The following GLI3 variants were observed in gnomAD, a reference collection of about 807,000 sequenced individuals.
The protein encoded by GLI3 is GLI family zinc finger 3, also known as transcription activator GLI3.
A neutral mutation model predicts 100.8 loss-of-function variants in GLI3; 20 were observed. The observed-to-expected ratio is 0.20, with a 90% confidence interval of 0.14 to 0.29. GLI3 has a LOEUF of 0.29. Ranked by LOEUF, GLI3 falls within the 10% of genes least tolerant of loss-of-function variation. The probability of loss-of-function intolerance (pLI) is 1.00; values close to 1 mark genes in which losing one functional copy is unlikely to be tolerated. For synonymous variants in GLI3, 938 were observed against 860.5 expected (o/e 1.09, Z -1.58); for missense variants, 2,040 against 2,128.5 (o/e 0.96, Z 0.82).
At chr7:42,033,879 G>A (rs563147968) in intron 7 of GLI3, among the ~76,000 whole-genome samples, 1 of 152,282 alleles carries the variant, frequency 6.6e-6, no homozygotes, top group East Asian at 1.9e-4. Flanking sequence ...TGGAAACCCA[G>A]CCCAGCCTCA....
chr7:42,263,408 A>AT (rs1319087965), intron 1 of GLI3, among the ~76,000 whole-genome samples: 1 of 151,614 alleles, frequency 6.6e-6, no homozygotes, highest in Non-Finnish European at 1.5e-5. Context: ...GCACCTTTTG[A>AT]TTTTTCAAGA....
chr7:41,966,087 C>A lies in GLI3; in HGVS notation c.2986G>T (p.Asp996Tyr), dbSNP rs748566565. ...CTCCTCACGCCGTGGCCCGGCGCAT[C>A]GTGCGGCTGCAGGTGGCGCCGCCCG... Reference protein sequence around the residue: ...GYGRRHLQPHDAPGHGVRRAS... With the variant: ...GYGRRHLQPHYAPGHGVRRAS... The change falls in exon 15 of 15, where the codon GAT (aspartate) becomes TAT (tyrosine). Residue 996 changes from aspartate (D) to tyrosine (Y), a missense_variant. Transcript: ENST00000395925. This position sits in a 1 kb window ranked among gnomAD's most constrained non-coding sequence, Gnocchi z 5.8. The A allele has an allele frequency of 2.5e-6, 4 of 1,568,888 alleles. No individual in the cohort carries two copies. The highest frequency in any genetic ancestry group is 3.4e-6 in the Non-Finnish European group (4 of 1,163,592).
intron 3 of GLI3, among the ~76,000 whole-genome samples, chr7:42,102,020 AT>A (rs1785475218): frequency 6.6e-6 from 1 of 151,690 alleles, no homozygotes; most frequent in South Asian, 2.1e-4. Flanking sequence ...TGAACTCATC[AT>A]TTTTTATGGC....
intron 3 of GLI3, among the ~76,000 whole-genome samples, chr7:42,142,508 G>T (rs1477196587): frequency 2.6e-5 from 4 of 152,092 alleles, no homozygotes; most frequent in African/African-American, 9.7e-5. Context: ...GAATAAAATT[G>T]TTAACAAATT....
intron 4 of GLI3, among the ~76,000 whole-genome samples, chr7:42,067,998 G>A (rs1182196071): frequency 1.3e-5 from 2 of 152,194 alleles, no homozygotes; most frequent in Admixed American, 6.5e-5. Flanking sequence ...AATATTAGGT[G>A]ATGGGATTTT....
rs528428728 is a variant in GLI3, at chr7:42,219,224, A to G, written c.124+3906T>C. 5.9e-5 allele frequency among the ~76,000 whole-genome samples: 9 copies of G among 152,348 alleles called. No individual in the cohort carries two copies. The South Asian group carries it at 1.9e-3, about 32-fold the overall frequency. The stretch of plus-strand genomic sequence containing the variant: ...TGAAATGCCACAAATGATCACTTAA[A>G]CCACAATTGCATTTAAATAATTCAG... On this transcript the variant is annotated intron_variant, in intron 2 of 14. Transcript: ENST00000395925.
At position 42,026,295 on chromosome 7, in the gene GLI3, G is replaced by A; in HGVS notation, c.1146C>T (p.His382=). ...SAFGHSPPLI[H]PAPTFPTQRP... The stretch of plus-strand genomic sequence containing the variant: ...TCTGTGTTGGAAAAGTTGGGGCAGG[G>A]TGGATGAGTGGAGGGCTGTGTCCAA... The change falls in exon 8 of 15, where the codon CAC becomes CAT. Residue 382 remains histidine, a synonymous_variant. Transcript: ENST00000395925. 6.2e-7 allele frequency: 1 copy of A among 1,614,122 alleles called. No individual in the cohort carries two copies. Among genetic ancestry groups the A allele is most frequent in the Non-Finnish European group, 8.5e-7 (1 of 1,179,960 alleles).
At chr7:42,099,192 A>G (rs747180160) in intron 3 of GLI3, among the ~76,000 whole-genome samples, 4 of 152,324 alleles carry the variant, frequency 2.6e-5, no homozygotes, top group Middle Eastern at 3.4e-3. Flanking sequence ...TGCTACATTG[A>G]TAGTAACTTG....
At chr7:42,142,736 C>T (rs1237293718) in intron 3 of GLI3, among the ~76,000 whole-genome samples, 2 of 151,334 alleles carry the variant, frequency 1.3e-5, no homozygotes, top group Non-Finnish European at 2.9e-5. Flanking sequence ...TCTATGGATC[C>T]TGGCTAACAT....
rs531931731 is a variant in GLI3 at position 42,083,393 on chromosome 7, T to C, written c.368-6536A>G. 2.6e-5 allele frequency among the ~76,000 whole-genome samples: 4 copies of C among 152,390 alleles called. No individual in the cohort carries two copies. The South Asian group carries it at 8.3e-4, about 32-fold the overall frequency. On this transcript the variant is annotated intron_variant, in intron 3 of 14. Transcript: ENST00000395925. ...TTCATTCTTCTTTACATCTGAATAG[T>C]ACTCCACTGTGTATATGTACCACAT...
intron 1 of GLI3, among the ~76,000 whole-genome samples, chr7:42,246,137 C>A (rs1403130795): frequency 1.3e-5 from 2 of 152,236 alleles, no homozygotes; most frequent in African/African-American, 2.4e-5. Flanking sequence ...CCCTTACCAA[C>A]TTCCACCTCA....
At chr7:42,170,796 C>G (rs1325279949) in intron 2 of GLI3, among the ~76,000 whole-genome samples, 2 of 152,122 alleles carry the variant, frequency 1.3e-5, no homozygotes, top group Non-Finnish European at 2.9e-5. Flanking sequence ...TTGCCACAAT[C>G]AAGTATTTGC....
At chr7:42,253,440 T>C (rs1380945468) in intron 1 of GLI3, among the ~76,000 whole-genome samples, 2 of 152,196 alleles carry the variant, frequency 1.3e-5, no homozygotes, top group African/African-American at 4.8e-5. Context: ...TGCCACCCTT[T>C]GAGAAGCCCT....
chr7:42,234,470 T>G (rs1231693266), intron 1 of GLI3, among the ~76,000 whole-genome samples: 1 of 152,242 alleles, frequency 6.6e-6, no homozygotes, highest in Non-Finnish European at 1.5e-5. Flanking sequence ...AATTAACAAT[T>G]CTTTCATTAA....
At chr7:41,990,243 C>T (rs1787945805) in intron 10 of GLI3, among the ~76,000 whole-genome samples, 1 of 151,952 alleles carries the variant, frequency 6.6e-6, no homozygotes, top group Non-Finnish European at 1.5e-5. Flanking sequence ...GAAAATCAAG[C>T]TACTAGGAGC....
At chr7:42,190,778 A>G (rs190123686) in intron 2 of GLI3, among the ~76,000 whole-genome samples, 2 of 152,352 alleles carry the variant, frequency 1.3e-5, no homozygotes, top group Admixed American at 1.3e-4. Flanking sequence ...CAAAAATACT[A>G]AGATACTAAA....
chr7:41,966,663 G>A lies in GLI3; in HGVS notation c.2432-22C>T, dbSNP rs368893882. ...GTGCCTGGAGACAGAGAAAGGGAGA[G>A]ACCATGCGGAGATGAATTCCCTTCG... On this transcript the variant is annotated intron_variant, in intron 14 of 14. Coordinates refer to ENST00000395925, the MANE Select transcript of GLI3 (RefSeq NM_000168.6). This position sits in a 1 kb window ranked among gnomAD's most constrained non-coding sequence, Gnocchi z 5.8. 195 of 1,613,106 alleles carry A rather than the reference G, an allele frequency of 1.2e-4. No homozygotes were observed. The highest frequency in any genetic ancestry group is 1.6e-4 in the Non-Finnish European group (191 of 1,179,528).
chr7:42,233,055 T>G (rs1788725300), intron 1 of GLI3, among the ~76,000 whole-genome samples: 1 of 152,220 alleles, frequency 6.6e-6, no homozygotes, highest in South Asian at 2.1e-4. Flanking sequence ...AGACACCATG[T>G]AAAGTTTGCG....
chr7:41,977,730 C>A lies in GLI3; in HGVS notation c.1648-8G>T. ...CTTTGTGCAACCTTCAAACTGAGGA[C>A]AACAGGTAAATCTGGATTACTCTGC... is the stretch of plus-strand genomic sequence containing the variant. On this transcript the variant is annotated splice_region_variant and splice_polypyrimidine_tract_variant and intron_variant, in intron 11 of 14. Transcript: ENST00000395925. 6.2e-7 allele frequency: 1 copy of A among 1,613,396 alleles called. No homozygotes were observed. The highest frequency in any genetic ancestry group is 1.6e-4 in the Middle Eastern group (1 of 6,062).
Sources: allele counts gnomAD v4.1 joint callset (sites outside exome capture counted in the v4.1 genomes callset), GRCh38; gene constraint gnomAD v4.1.1; non-coding constraint Gnocchi (gnomAD v3.1); transcripts MANE v1.5; gene names NCBI Gene and HGNC (gene_info 2026-07-23, HGNC 2026-07-21).